Variants in MAPK9 observed in about 807,000 individuals in gnomAD.
MAPK9 encodes the protein mitogen-activated protein kinase 9.
In MAPK9, 30 loss-of-function variants were observed where a neutral mutation model predicts 57.1. The ratio of observed to expected loss-of-function variants is 0.53; its 90% CI spans 0.39 to 0.71. The LOEUF (loss-of-function observed/expected upper bound fraction) is 0.71. Ranked by LOEUF, MAPK9 falls within the 30% of genes least tolerant of loss-of-function variation. The probability of loss-of-function intolerance (pLI) is 0.00; values close to 1 mark genes in which losing one functional copy is unlikely to be tolerated. For missense variants in MAPK9, 362 were observed against 521.0 expected (o/e 0.69, Z 2.97); for synonymous variants, 155 against 177.0 (o/e 0.88, Z 0.99).
At chr5:180,273,946 T>G (rs913356747) in intron 2 of MAPK9, among the ~76,000 whole-genome samples, 2 of 152,050 alleles carry the variant, frequency 1.3e-5, no homozygotes, top group East Asian at 3.9e-4. Flanking sequence ...AGGGTTTTTA[T>G]TTTTACATAT....
At chr5:180,291,530 G>A (rs1306980189) in intron 1 of MAPK9, among the ~76,000 whole-genome samples, 1 of 152,102 alleles carries the variant, frequency 6.6e-6, no homozygotes, top group Non-Finnish European at 1.5e-5. Flanking sequence ...TCGCGGGGAC[G>A]CGACCCCGGG....
At chr5:180,263,867 G>A (rs538888386) in intron 4 of MAPK9, among the ~76,000 whole-genome samples, 49 of 152,056 alleles carry the variant, frequency 3.2e-4, no homozygotes, top group Middle Eastern at 3.4e-3. Context: ...CACCACGCCC[G>A]GCTGATTTTT....
intron 1 of MAPK9, among the ~76,000 whole-genome samples, chr5:180,284,227 A>G (rs1762548101): frequency 6.6e-6 from 1 of 152,226 alleles, no homozygotes; most frequent in South Asian, 2.1e-4. Context: ...CACATTAGCA[A>G]TACACTAAAG....
intron 2 of MAPK9, among the ~76,000 whole-genome samples, chr5:180,278,565 T>C (rs899938620): frequency 2.0e-5 from 3 of 152,120 alleles, no homozygotes; most frequent in Admixed American, 2.0e-4. Flanking sequence ...CTGGGTGTGG[T>C]GGCGTGCGCC....
Position 180,247,294 on chromosome 5 carries a change from T to G in MAPK9, c.688+145A>C. On this transcript the variant is annotated intron_variant, in intron 7 of 11. Coordinates refer to ENST00000452135, the MANE Select transcript of MAPK9 (RefSeq NM_002752.5). The surrounding 1 kb of genome is among the most constrained non-coding windows in gnomAD (Gnocchi z 4.5). ...GAACCACTTGGCTTGTGACACTAAT[T>G]AACAAATACAGTAAAGCCCCCCTTA... is the stretch of plus-strand genomic sequence containing the variant. 1 of 793,814 alleles carries G rather than the reference T, an allele frequency of 1.3e-6. No homozygotes were observed. The highest frequency in any genetic ancestry group is 1.7e-5 in the South Asian group (1 of 57,236). The allele number at this position is 793,814 out of a possible 1,614,324, so 49.2% of individuals were successfully genotyped here.
intron 1 of MAPK9, among the ~76,000 whole-genome samples, chr5:180,291,446 G>A (rs987189913): frequency 2.2e-4 from 33 of 152,314 alleles, no homozygotes; most frequent in African/African-American, 7.5e-4. Context: ...CAACAACCCT[G>A]TCCAGAAGAG....
chr5:180,249,192 T>C, intron 5 of MAPK9, 54 bp from the exon 6 acceptor site: 9 of 1,522,830 alleles, frequency 5.9e-6, no homozygotes, highest in Non-Finnish European at 7.1e-6. Context: ...CTAAATAAAC[T>C]ACTTCACATC....
At chr5:180,243,441 A>G (rs1391338109) in intron 7 of MAPK9, among the ~76,000 whole-genome samples, 2 of 152,218 alleles carry the variant, frequency 1.3e-5, no homozygotes, top group Non-Finnish European at 2.9e-5. Context: ...TTCAATGCAG[A>G]CATTACCAGC....
At chr5:180,241,300 C>A (rs891457912) in intron 8 of MAPK9, 145 bp from the exon 9 acceptor site, 48 of 813,766 alleles carry the variant, frequency 5.9e-5, no homozygotes, top group Admixed American at 3.3e-4. Context: ...GAATATAACC[C>A]AAAATTTTTT....
intron 2 of MAPK9, among the ~76,000 whole-genome samples, chr5:180,275,741 A>T (rs1381661528): frequency 1.3e-5 from 2 of 152,186 alleles, no homozygotes; most frequent in African/African-American, 4.8e-5. Flanking sequence ...TAACAGCCCT[A>T]GTTTTAGCCA....
intron 4 of MAPK9, among the ~76,000 whole-genome samples, chr5:180,264,161 C>A (rs1760296755): frequency 6.6e-6 from 1 of 152,198 alleles, no homozygotes; most frequent in Non-Finnish European, 1.5e-5. Context: ...CAGCACCTAG[C>A]ACATTCTAAT....
chr5:180,270,119 T>C (rs1471130192), intron 2 of MAPK9, among the ~76,000 whole-genome samples: 1 of 152,244 alleles, frequency 6.6e-6, no homozygotes, highest in Non-Finnish European at 1.5e-5. Flanking sequence ...TACACATTTT[T>C]AGGTTTCAAA....
intron 1 of MAPK9, among the ~76,000 whole-genome samples, chr5:180,291,217 C>A (rs1561860691): frequency 6.7e-6 from 1 of 149,518 alleles, no homozygotes; most frequent in African/African-American, 2.5e-5. Flanking sequence ...GGGAGGGGCG[C>A]GGTGGTAAGG....
At chr5:180,272,808 T>C (rs1454764097) in intron 2 of MAPK9, among the ~76,000 whole-genome samples, 2 of 152,232 alleles carry the variant, frequency 1.3e-5, no homozygotes, top group Non-Finnish European at 2.9e-5. Flanking sequence ...ACCATTCCTG[T>C]ACGCAGCTCC....
intron 2 of MAPK9, among the ~76,000 whole-genome samples, chr5:180,273,107 G>A (rs149023575): frequency 3.0e-4 from 45 of 152,254 alleles, no homozygotes; most frequent in African/African-American, 8.2e-4. Flanking sequence ...GTATTTCGTC[G>A]CAGTTTTAAA....
At position 180,236,409 on chromosome 5, in the gene MAPK9, G is replaced by A. The variant is rs149127216; in HGVS notation, c.1250C>T (p.Thr417Met). The A allele has an allele frequency of 1.2e-4, 187 of 1,612,258 alleles. No homozygotes were observed. The highest frequency in any genetic ancestry group is 1.2e-4 in the Non-Finnish European group (146 of 1,178,836). The change falls in exon 12 of 12, where the codon ACG becomes ATG. Residue 417 changes from threonine (T) to methionine (M), a missense_variant. Physicochemically the swap from Thr to Met is moderately conservative, Grantham distance 81. Coordinates refer to ENST00000452135, the MANE Select transcript of MAPK9 (RefSeq NM_002752.5). Reference protein sequence around the residue: ...SDTDSSLDASTGPLEGCR With the variant: ...SDTDSSLDASMGPLEGCR ...TCATCGACAGCCTTCAAGGGGTCCC[G>A]TCGAGGCATCAAGACTGCTGTCTGT...
At chr5:180,265,669 G>A (rs1040924823) in intron 3 of MAPK9, among the ~76,000 whole-genome samples, 1 of 152,156 alleles carries the variant, frequency 6.6e-6, no homozygotes, top group African/African-American at 2.4e-5. Context: ...ATCTCTTTAT[G>A]GCAGTGCGGG....
At chr5:180,279,160 G>A (rs895622708) in intron 2 of MAPK9, among the ~76,000 whole-genome samples, 1 of 152,092 alleles carries the variant, frequency 6.6e-6, no homozygotes, top group Non-Finnish European at 1.5e-5. Flanking sequence ...GTTTCACCAT[G>A]TTGGCCAGGA....
At chr5:180,267,790 T>C (rs1760789939) in intron 3 of MAPK9, among the ~76,000 whole-genome samples, 1 of 150,114 alleles carries the variant, frequency 6.7e-6, no homozygotes, top group Admixed American at 6.6e-5. Flanking sequence ...ACAACCTGGG[T>C]GACAGAATGA....
Sources: gnomAD v4.1 joint callset for allele counts (sites outside exome capture counted in the v4.1 genomes callset) on GRCh38, gnomAD v4.1.1 for gene constraint, Gnocchi (gnomAD v3.1) non-coding constraint, MANE v1.5 for transcripts, NCBI Gene and HGNC (gene_info 2026-07-23, HGNC 2026-07-21) for gene names.